Variants in ADAM10 observed in about 807,000 individuals in gnomAD.
ADAM10 encodes the protein ADAM metallopeptidase domain 10, also known as disintegrin and metalloproteinase domain-containing protein 10.
Under a neutral mutation model 90.1 loss-of-function variants are expected in ADAM10, and 17 were observed. That is an observed-to-expected ratio of 0.19 (90% CI 0.13 to 0.28). The LOEUF is 0.28. ADAM10 is among the 10% of genes least tolerant of loss of function. The pLI is 1.00. For missense variants in ADAM10, 610 were observed against 914.3 expected (o/e 0.67, Z 4.29); for synonymous variants, 310 against 298.6 (o/e 1.04, Z -0.40).
chr15:58,593,177 T>A lies in ADAM10; in HGVS notation c.*4370A>T, dbSNP rs1445715121. The stretch of plus-strand genomic sequence containing the variant: ...TTTTTTTTTTTTTTTTTTTTTTTTT[T>A]TTTTTTTTTTTTTTTTTTTTGAGAC... On this transcript the variant is annotated 3_prime_UTR_variant, in exon 16 of 16. Transcript: ENST00000260408. 2.8e-4 allele frequency: 17 copies of A among 61,766 alleles called. No individual in the cohort carries two copies. In the East Asian group the frequency reaches 4.6e-3, roughly 17 times the overall value. 3.8% of individuals were successfully genotyped at this position (61,766 alleles called of 1,614,324 possible). A position where few individuals can be genotyped will look rare whatever the true frequency, so the allele number is the denominator to read the frequency against.
At chr15:58,703,842 C>T (rs1898199867) in intron 2 of ADAM10, 1 of 152,856 alleles carries the variant, frequency 6.5e-6, no homozygotes, top group African/African-American at 2.4e-5. Flanking sequence ...CCAGCCAAGC[C>T]TCCTGTACAG....
rs1895444774 is a variant in ADAM10 at position 58,611,756 on chromosome 15, GA to G, written c.1695+51del. On this transcript the variant is annotated intron_variant, in intron 12 of 15. Coordinates refer to ENST00000260408, the MANE Select transcript of ADAM10 (RefSeq NM_001110.4). Reference sequence around the variant, plus strand: ...AGCTTTAAGCATCAATAATTCTTCTGAAAAACAAGTTTTCTAAAATTAAATT... The same window carrying G: ...AGCTTTAAGCATCAATAATTCTTCTGAAAACAAGTTTTCTAAAATTAAATT... The G allele has an allele frequency of 3.8e-6, 6 of 1,563,000 alleles. No individual in the cohort carries two copies. The East Asian group carries it at 1.4e-4, about 36-fold the overall frequency.
chr15:58,732,871 GT>G (rs1209105480), intron 1 of ADAM10: 1 of 153,558 alleles, frequency 6.5e-6, no homozygotes, highest in Non-Finnish European at 1.5e-5. Flanking sequence ...GCACCAGAAA[GT>G]TCACACTGGA....
At chr15:58,745,162 G>A (rs1899750221) in intron 1 of ADAM10, among the ~76,000 whole-genome samples, 1 of 152,192 alleles carries the variant, frequency 6.6e-6, no homozygotes, top group African/African-American at 2.4e-5. Flanking sequence ...CAGCCTGGGT[G>A]ACAGAGCGAG....
At chr15:58,690,856 T>C (rs1470369056) in intron 2 of ADAM10, among the ~76,000 whole-genome samples, 2 of 152,202 alleles carry the variant, frequency 1.3e-5, no homozygotes, top group Non-Finnish European at 2.9e-5. Context: ...GATCATGTGG[T>C]AGATGCAGCT....
intron 5 of ADAM10, among the ~76,000 whole-genome samples, chr15:58,661,003 G>A (rs570414965): frequency 2.6e-5 from 4 of 152,304 alleles, no homozygotes; most frequent in South Asian, 2.1e-4. Flanking sequence ...CCGGCTCTAC[G>A]GTTTACAATA....
At chr15:58,664,748 T>G (rs1897040999) in intron 5 of ADAM10, among the ~76,000 whole-genome samples, 1 of 152,162 alleles carries the variant, frequency 6.6e-6, no homozygotes, top group African/African-American at 2.4e-5. Context: ...ACGTTCAGTG[T>G]TAAAAATGAG....
intron 11 of ADAM10, among the ~76,000 whole-genome samples, chr15:58,621,238 G>C (rs1206799037): frequency 2.9e-5 from 4 of 138,016 alleles, no homozygotes; most frequent in African/African-American, 8.5e-5. Flanking sequence ...ACTCCAGCCT[G>C]GGCAACAGAG....
In ADAM10 at chr15:58,717,620, G is replaced by C. The variant is rs529793263; in HGVS notation, c.163C>G (p.His55Asp). ...TCTAGACGTAAAAATTGGTCTTCAT[G>C]TGAGACTGCTCTTTTGGCACGCTGG... is the stretch of plus-strand genomic sequence containing the variant. ...KHQRAKRAVS[H>D]EDQFLRLDFH... Residue 55 changes from histidine (H) to aspartate (D), a missense_variant, in exon 2 of 16, where the codon CAT (histidine) becomes GAT (aspartate). By Grantham distance (81) the His-to-Asp change is moderately conservative (BLOSUM62 -1). This residue lies in a region of ADAM10 where 310 missense variants were observed against 362.4 expected (regional missense o/e 0.86). Transcript: ENST00000260408. 13 of 1,613,862 alleles carry C rather than the reference G, an allele frequency of 8.1e-6. No individual in the cohort carries two copies. In the East Asian group the frequency reaches 2.9e-4, roughly 36 times the overall value.
At chr15:58,741,879 T>C (rs1054675718) in intron 1 of ADAM10, among the ~76,000 whole-genome samples, 35 of 152,274 alleles carry the variant, frequency 2.3e-4, no homozygotes, top group Admixed American at 1.8e-3. Flanking sequence ...TCAGTCCTGA[T>C]TATCATGGCC....
intron 1 of ADAM10, among the ~76,000 whole-genome samples, chr15:58,735,771 T>C (rs1176819760): frequency 6.6e-6 from 1 of 152,176 alleles, no homozygotes; most frequent in East Asian, 1.9e-4. Context: ...TTTTAAAAAT[T>C]TATTTTTCCT....
At chr15:58,672,948 G>A (rs1352617384) in intron 4 of ADAM10, 1 of 209,544 alleles carries the variant, frequency 4.8e-6, no homozygotes, top group Admixed American at 4.2e-5. Context: ...TTCTAGTGCA[G>A]TGTTTGTCCT....
Position 58,682,135 on chromosome 15 carries a change from G to C in ADAM10, c.325+61C>G, listed in dbSNP as rs1483137956. On this transcript the variant is annotated intron_variant, in intron 3 of 15. Coordinates refer to ENST00000260408, the MANE Select transcript of ADAM10 (RefSeq NM_001110.4). ...GAAATATTTGCTTACACTTCAAAAT[G>C]AGTATCTTTGTGTAGAAAAAAAAAA... The C allele has an allele frequency of 8.8e-6, 14 of 1,594,212 alleles. No individual in the cohort carries two copies. The Admixed American group carries it at 2.4e-4, about 28-fold the overall frequency.
At chr15:58,689,543 T>C (rs544102327) in intron 2 of ADAM10, among the ~76,000 whole-genome samples, 1 of 152,146 alleles carries the variant, frequency 6.6e-6, no homozygotes, top group South Asian at 2.1e-4. Context: ...ACTTTTTTAA[T>C]GCTGAAAGAA....
chr15:58,631,715 G>A (rs1440054564), intron 9 of ADAM10, among the ~76,000 whole-genome samples: 1 of 152,210 alleles, frequency 6.6e-6, no homozygotes, highest in Non-Finnish European at 1.5e-5. Flanking sequence ...GAACCAAGAT[G>A]ACTTGGGGAG....
At chr15:58,710,135 T>C (rs1378023705) in intron 2 of ADAM10, among the ~76,000 whole-genome samples, 1 of 151,980 alleles carries the variant, frequency 6.6e-6, no homozygotes, top group African/African-American at 2.4e-5. Context: ...AAAATTTAGC[T>C]GGGTGTGGTG....
intron 4 of ADAM10, among the ~76,000 whole-genome samples, chr15:58,670,326 T>G (rs1378095414): frequency 1.3e-5 from 2 of 152,136 alleles, no homozygotes; most frequent in African/African-American, 4.8e-5. Flanking sequence ...TGTAACCTTT[T>G]TAAAGAGATA....
Position 58,724,061 on chromosome 15 carries a change from T to C in ADAM10, c.56-6334A>G, listed in dbSNP as rs546806438. On this transcript the variant is annotated intron_variant, in intron 1 of 15. Transcript: ENST00000260408. Reference sequence around the variant, plus strand: ...GCCTGGCCAACATGGTGAAACCCTGTCTCCACTCGGGAGGCTGAGGCAGGA... The same window carrying C: ...GCCTGGCCAACATGGTGAAACCCTGCCTCCACTCGGGAGGCTGAGGCAGGA... Among the ~76,000 whole-genome samples, 47 of 151,668 alleles carry C rather than the reference T, an allele frequency of 3.1e-4. 2 individuals are homozygous for C. Among genetic ancestry groups the C allele is most frequent in the African/African-American group, 9.7e-4 (40 of 41,368 alleles).
chr15:58,687,314 C>T (rs1321874178), intron 2 of ADAM10, among the ~76,000 whole-genome samples: 1 of 152,172 alleles, frequency 6.6e-6, no homozygotes, highest in African/African-American at 2.4e-5. Flanking sequence ...TTCTTACGTT[C>T]CTCTACTTTG....
Sources: gnomAD v4.1 joint callset for allele counts (sites outside exome capture counted in the v4.1 genomes callset) on GRCh38, gnomAD v4.1.1 for gene constraint, gnomAD v4.1.1 regional missense constraint, MANE v1.5 for transcripts, NCBI Gene and HGNC (gene_info 2026-07-23, HGNC 2026-07-21) for gene names.